Variants in TRAT1 observed in about 807,000 individuals in gnomAD.
TRAT1 encodes T-cell receptor-associated transmembrane adapter 1.
TRAT1 carries 20 observed loss-of-function variants against 20.0 expected under a neutral mutation model. That is an observed-to-expected ratio of 1.00 (90% confidence interval 0.70 to 1.45). TRAT1 has a LOEUF of 1.45. Among genes scored for constraint, TRAT1 ranks in the 40% most tolerant of loss-of-function variants. TRAT1 has a pLI of 0.00. For missense variants in TRAT1, 237 were observed against 224.1 expected (o/e 1.06, Z -0.37); for synonymous variants, 77 against 74.2 (o/e 1.04, Z -0.20).
chr3:108,829,732 T>C (rs1042116501), intron 1 of TRAT1, among the ~76,000 whole-genome samples: 7 of 152,154 alleles, frequency 4.6e-5, no homozygotes, highest in African/African-American at 1.7e-4. Context: ...CATAGTGCAA[T>C]GCATTACTCA....
chr3:108,835,728 G>A (rs1372115164), intron 2 of TRAT1, among the ~76,000 whole-genome samples: 2 of 151,802 alleles, frequency 1.3e-5, no homozygotes, highest in Admixed American at 1.3e-4. Flanking sequence ...CCCCCAAATT[G>A]GTTTAGTCCC....
At chr3:108,838,152 G>A (rs991100904) in intron 2 of TRAT1, among the ~76,000 whole-genome samples, 2 of 151,914 alleles carry the variant, frequency 1.3e-5, no homozygotes, top group East Asian at 1.9e-4. Context: ...CTACTGTTTC[G>A]GTTAATTTTA....
intron 5 of TRAT1, among the ~76,000 whole-genome samples, chr3:108,850,143 C>T (rs1250482694): frequency 6.6e-6 from 1 of 152,056 alleles, no homozygotes; most frequent in Non-Finnish European, 1.5e-5. Context: ...TGAAAACTTG[C>T]CCAGAACACT....
intron 2 of TRAT1, 33 bp downstream of exon 2, chr3:108,830,813 T>G: frequency 7.4e-7 from 1 of 1,351,620 alleles, no homozygotes; most frequent in Non-Finnish European, 1.1e-6. Context: ...ACATGGTACC[T>G]GCTTGAATGG....
chr3:108,846,935 C>A, intron 3 of TRAT1, 133 bp from the exon 4 acceptor site: 1 of 637,018 alleles, frequency 1.6e-6, no homozygotes, highest in Non-Finnish European at 2.8e-6. Context: ...CACAAGAACA[C>A]ACCTACCGTG....
chr3:108,833,001 G>C (rs372209416), intron 2 of TRAT1, among the ~76,000 whole-genome samples: 3 of 152,068 alleles, frequency 2.0e-5, no homozygotes, highest in African/African-American at 7.2e-5. Context: ...CTCATTTTTG[G>C]TAGTTTGTGC....
rs181869089 is a variant in TRAT1 at position 108,833,145 on chromosome 3, A to T, written c.118+2365A>T. On this transcript the variant is annotated intron_variant, in intron 2 of 5. Transcript: ENST00000295756. ...TTAAAAAGCATCGTGTTTGGTAGTT[A>T]AAAAAGCAGTGCCTGTAATCCCAGT... 1.1e-4 allele frequency among the ~76,000 whole-genome samples: 17 copies of T among 152,158 alleles called. No individual in the cohort carries two copies. The East Asian group carries it at 2.7e-3, about 24-fold the overall frequency.
rs368602092 is a variant in TRAT1, at chr3:108,836,736, A to C, written c.119-2198A>C. ...ACCTCTGACATGTACTCTGTGATGT[A>C]GGCATTATTGTCCCTACTTCATGGA... On this transcript the variant is annotated intron_variant, in intron 2 of 5. Coordinates refer to ENST00000295756, the MANE Select transcript of TRAT1 (RefSeq NM_016388.4). Among the ~76,000 whole-genome samples, 3 of 152,362 alleles carry C rather than the reference A, an allele frequency of 2.0e-5. No individual in the cohort carries two copies. The South Asian group carries it at 6.2e-4, about 32-fold the overall frequency.
intron 1 of TRAT1, among the ~76,000 whole-genome samples, chr3:108,824,029 G>T (rs960923958): frequency 7.9e-5 from 12 of 151,972 alleles, no homozygotes; most frequent in South Asian, 2.1e-4. Flanking sequence ...GTGCCACCAC[G>T]CCTGGCTAAT....
chr3:108,826,531 G>A (rs10933965), intron 1 of TRAT1, among the ~76,000 whole-genome samples: 17,864 of 152,088 alleles, frequency 0.12, 1,421 homozygotes, highest in Non-Finnish European at 0.18. Context: ...GGGATTGTGC[G>A]TGTAGTGATC....
intron 5 of TRAT1, among the ~76,000 whole-genome samples, chr3:108,852,150 G>A (rs1490809405): frequency 6.6e-6 from 1 of 152,238 alleles, no homozygotes; most frequent in East Asian, 1.9e-4. Flanking sequence ...GGAGGCCGAG[G>A]CGGGCGGATC....
chr3:108,826,551 G>A (rs1408289659), intron 1 of TRAT1, among the ~76,000 whole-genome samples: 4 of 152,130 alleles, frequency 2.6e-5, no homozygotes, highest in South Asian at 2.1e-4. Flanking sequence ...CATGTGTCAC[G>A]TTCAAAAAAT....
chr3:108,828,961 G>A (rs985135752), intron 1 of TRAT1, among the ~76,000 whole-genome samples: 52 of 152,144 alleles, frequency 3.4e-4, no homozygotes, highest in African/African-American at 1.2e-3. Context: ...GTTTCACACA[G>A]GCAAGGTCAA....
chr3:108,836,149 A>G (rs888582647), intron 2 of TRAT1, among the ~76,000 whole-genome samples: 24 of 152,018 alleles, frequency 1.6e-4, no homozygotes, highest in Non-Finnish European at 3.2e-4. Flanking sequence ...CGATCTCCCG[A>G]CCTCGTGATC....
intron 3 of TRAT1, among the ~76,000 whole-genome samples, chr3:108,839,743 G>A (rs541531183): frequency 3.9e-5 from 6 of 152,122 alleles, no homozygotes; most frequent in East Asian, 1.9e-4. Flanking sequence ...ATAGGGAAAC[G>A]TGATGAACAG....
chr3:108,844,837 C>A (rs1945926135), intron 3 of TRAT1, among the ~76,000 whole-genome samples: 2 of 93,636 alleles, frequency 2.1e-5, no homozygotes, highest in African/African-American at 5.6e-5. Flanking sequence ...GAGAGAGACT[C>A]TGTCTCAAAA....
intron 3 of TRAT1, among the ~76,000 whole-genome samples, chr3:108,846,503 T>C (rs187645885): frequency 1.1e-4 from 17 of 152,352 alleles, no homozygotes; most frequent in African/African-American, 4.1e-4. Context: ...TGATCAATCA[T>C]TTTATTGCAT....
chr3:108,842,385 C>T (rs991040739), intron 3 of TRAT1, among the ~76,000 whole-genome samples: 1 of 152,196 alleles, frequency 6.6e-6, no homozygotes, highest in Non-Finnish European at 1.5e-5. Context: ...CTGTCCTCTT[C>T]ACCCATTCTC....
intron 1 of TRAT1, among the ~76,000 whole-genome samples, chr3:108,823,682 C>T (rs888400129): frequency 6.6e-6 from 1 of 152,028 alleles, no homozygotes; most frequent in African/African-American, 2.4e-5. Flanking sequence ...TATATACATT[C>T]TATATAGTTT....
Sources: gnomAD v4.1 joint callset for allele counts (sites outside exome capture counted in the v4.1 genomes callset) on GRCh38, gnomAD v4.1.1 for gene constraint, MANE v1.5 for transcripts, NCBI Gene and HGNC (gene_info 2026-07-23, HGNC 2026-07-21) for gene names.